The following HSPA14 variants were observed in gnomAD, a reference collection of about 807,000 sequenced individuals.
HSPA14 encodes the protein heat shock 70 kDa protein 14.
A neutral mutation model predicts 65.5 loss-of-function variants in HSPA14; 37 were observed. The observed-to-expected ratio is 0.56, with a 90% CI of 0.43 to 0.74. The LOEUF (loss-of-function observed/expected upper bound fraction) is 0.74, where lower values mean the gene tolerates loss of function less well. Among genes scored for constraint, HSPA14 ranks in the 30% least tolerant of loss-of-function variants. HSPA14 has a pLI of 0.00. For missense variants in HSPA14, 564 were observed against 607.6 expected (o/e 0.93, Z 0.75); for synonymous variants, 203 against 214.2 (o/e 0.95, Z 0.46).
At chr10:14,859,546 A>G (rs1349465796) in intron 10 of HSPA14, among the ~76,000 whole-genome samples, 1 of 152,224 alleles carries the variant, frequency 6.6e-6, no homozygotes, top group East Asian at 1.9e-4. Flanking sequence ...GCTTAGATAA[A>G]TGAATATGGT....
At position 14,845,214 on chromosome 10, in the gene HSPA14, A is replaced by G. The variant is rs532176988; in HGVS notation, c.222-3395A>G. 11 of 985,334 alleles carry G rather than the reference A, an allele frequency of 1.1e-5. No homozygotes were observed. The South Asian group carries it at 3.8e-4, about 34-fold the overall frequency. 61.0% of individuals were successfully genotyped at this position (985,334 alleles called of 1,614,324 possible). A position where few individuals can be genotyped will look rare whatever the true frequency, so the allele number is the denominator to read the frequency against. On this transcript the variant is annotated intron_variant, in intron 3 of 13. Coordinates refer to ENST00000378372, the MANE Select transcript of HSPA14 (RefSeq NM_016299.4). ...GACATTACTCTCTGTCATTAAACTA[A>G]CTTAAAGCTTTTAGTGATTTACTTA...
rs1444478623 is a variant in HSPA14, at chr10:14,842,164, C to T, written c.221+2007C>T. ...AATGCGGTCCTTGGACCTGGCTTCT[C>T]AGCAATTATCCCTGAGAGGGAAGAT... On this transcript the variant is annotated intron_variant, in intron 3 of 13. Transcript: ENST00000378372. This position sits in a 1 kb window ranked among gnomAD's most constrained non-coding sequence, Gnocchi z 5.2. 6.5e-7 allele frequency: 1 copy of T among 1,534,778 alleles called. No homozygotes were observed. Among genetic ancestry groups the T allele is most frequent in the African/African-American group, 1.4e-5 (1 of 73,046 alleles).
intron 5 of HSPA14, chr10:14,849,432 G>A (rs1395966182): frequency 3.7e-6 from 2 of 547,196 alleles, no homozygotes; most frequent in Admixed American, 2.2e-5. Flanking sequence ...GGATGCGTTA[G>A]GAGCTTATTC....
intron 10 of HSPA14, among the ~76,000 whole-genome samples, chr10:14,858,204 T>C (rs535641679): frequency 1.3e-5 from 2 of 152,238 alleles, no homozygotes; most frequent in Non-Finnish European, 2.9e-5. Flanking sequence ...AAATGAAATG[T>C]CTGTGGCACA....
At chr10:14,840,041 AAT>A (rs140243251) in intron 2 of HSPA14, 32 bp from the exon 3 acceptor site, 113,209 of 1,097,618 alleles carry the variant, frequency 0.1, 3,192 homozygotes, top group South Asian at 0.14. Context: ...CATACATTGT[AAT>A]ATATATATAT....
chr10:14,854,862 A>C (rs968035042), intron 9 of HSPA14, among the ~76,000 whole-genome samples: 6 of 152,230 alleles, frequency 3.9e-5, no homozygotes, highest in African/African-American at 1.4e-4. Context: ...TAACATTAAA[A>C]ATGCAGTTCC....
intron 3 of HSPA14, among the ~76,000 whole-genome samples, chr10:14,847,715 CTT>C (rs1246914623): frequency 2.6e-5 from 4 of 152,206 alleles, no homozygotes; most frequent in Non-Finnish European, 5.9e-5. Flanking sequence ...TTCAACTTCT[CTT>C]ATTAAACAAA....
In HSPA14 at chr10:14,852,437, A is replaced by G. The variant is rs1834115256; in HGVS notation, c.640A>G (p.Ile214Val). 6.2e-7 allele frequency: 1 copy of G among 1,613,774 alleles called. No homozygotes were observed. Among genetic ancestry groups the G allele is most frequent in the African/African-American group, 1.3e-5 (1 of 74,934 alleles). Reference protein sequence around the residue: ...SLSVMEVNSGIYRVLSTNTDD... With the variant: ...SLSVMEVNSGVYRVLSTNTDD... ...CAGCGTCATGGAAGTTAACAGTGGA[A>G]TATATCGGGTTCTTTCAACAAACAC... Residue 214 changes from isoleucine (I) to valine (V), a missense_variant, in exon 8 of 14, where the codon ATA becomes GTA. Coordinates refer to ENST00000378372, the MANE Select transcript of HSPA14 (RefSeq NM_016299.4).
intron 10 of HSPA14, among the ~76,000 whole-genome samples, chr10:14,862,372 T>G (rs1832757861): frequency 1.4e-5 from 2 of 145,888 alleles, no homozygotes; most frequent in Admixed American, 1.4e-4. Flanking sequence ...CTTTCTTTTC[T>G]TTTCTTTTTT....
At chr10:14,863,368 A>T (rs902163919) in intron 10 of HSPA14, among the ~76,000 whole-genome samples, 2 of 152,094 alleles carry the variant, frequency 1.3e-5, no homozygotes, top group African/African-American at 4.8e-5. Flanking sequence ...TGCCTTAGCT[A>T]CTTGGCTCCA....
At position 14,842,734 on chromosome 10, in the gene HSPA14, G is replaced by C; in HGVS notation, c.221+2577G>C. ...AAAGGACTCAGGCAGCTGATCATCAGCCTATCTTGAAAACAGTTAAGGCAT... is the reference window on the plus strand; with the variant it reads ...AAAGGACTCAGGCAGCTGATCATCACCCTATCTTGAAAACAGTTAAGGCAT... On this transcript the variant is annotated intron_variant, in intron 3 of 13. Transcript: ENST00000378372. This position sits in a 1 kb window ranked among gnomAD's most constrained non-coding sequence, Gnocchi z 5.2. 1.3e-6 allele frequency: 2 copies of C among 1,536,546 alleles called. No individual in the cohort carries two copies. The highest frequency in any genetic ancestry group is 1.7e-6 in the Non-Finnish European group (2 of 1,146,980).
intron 4 of HSPA14, 49 bp from the exon 5 acceptor site, chr10:14,848,741 A>C: frequency 6.9e-7 from 1 of 1,451,488 alleles, no homozygotes; most frequent in East Asian, 2.4e-5. Flanking sequence ...GAAACTTTGC[A>C]TTTTTATTAA....
intron 10 of HSPA14, among the ~76,000 whole-genome samples, chr10:14,863,650 A>AT (rs1490587011): frequency 6.6e-6 from 1 of 152,156 alleles, no homozygotes; most frequent in Admixed American, 6.5e-5. Flanking sequence ...TTGTGACATT[A>AT]TAAGCAGAGG....
At chr10:14,866,632 T>C (rs1832809066) in intron 10 of HSPA14, among the ~76,000 whole-genome samples, 1 of 152,260 alleles carries the variant, frequency 6.6e-6, no homozygotes, top group African/African-American at 2.4e-5. Flanking sequence ...TATTCTTCCA[T>C]GGTAAAGGCA....
intron 10 of HSPA14, among the ~76,000 whole-genome samples, chr10:14,864,612 G>A (rs1832788958): frequency 6.6e-6 from 1 of 152,008 alleles, no homozygotes; most frequent in Admixed American, 6.6e-5. Flanking sequence ...ATAGTTTGCT[G>A]AGAATGATGG....
At chr10:14,838,517 T>C (rs1564317693) in intron 1 of HSPA14, 58 bp downstream of exon 1, 70 of 1,499,714 alleles carry the variant, frequency 4.7e-5, no homozygotes, top group Non-Finnish European at 6.2e-5. Context: ...TTTCTGGCGC[T>C]GGGTCATCCA....
intron 3 of HSPA14, chr10:14,846,683 G>A (rs974425467): frequency 1.0e-6 from 1 of 961,248 alleles, no homozygotes; most frequent in Non-Finnish European, 1.2e-6. Context: ...GTGTTGTGAG[G>A]ATCAAAGGAA....
intron 10 of HSPA14, among the ~76,000 whole-genome samples, chr10:14,860,236 C>A (rs1832739951): frequency 6.6e-6 from 1 of 152,160 alleles, no homozygotes; most frequent in South Asian, 2.1e-4. Context: ...ATTTCCTAGG[C>A]ATACATTCAA....
chr10:14,870,085 G>A (rs965420565), intron 12 of HSPA14, among the ~76,000 whole-genome samples: 4 of 152,290 alleles, frequency 2.6e-5, no homozygotes, highest in Non-Finnish European at 5.9e-5. Flanking sequence ...TTAGGAAACT[G>A]AGGAATTTTA....
Sources: gnomAD v4.1 joint callset for allele counts (sites outside exome capture counted in the v4.1 genomes callset) on GRCh38, gnomAD v4.1.1 for gene constraint, Gnocchi (gnomAD v3.1) non-coding constraint, MANE v1.5 for transcripts, NCBI Gene and HGNC (gene_info 2026-07-23, HGNC 2026-07-21) for gene names.